CTCF: variants seen among roughly 807,000 people sequenced by gnomAD.
The protein encoded by CTCF is CCCTC-binding factor, also known as transcriptional repressor CTCF.
CTCF carries 7 observed loss-of-function variants against 72.3 expected under a neutral mutation model. The ratio of observed to expected loss-of-function variants is 0.10; its 90% CI spans 0.06 to 0.18. CTCF has a LOEUF of 0.18. CTCF is among the 10% of genes least tolerant of loss of function. CTCF has a pLI of 1.00. For missense variants in CTCF, 516 were observed against 949.1 expected (o/e 0.54, Z 6.00); for synonymous variants, 374 against 315.8 (o/e 1.18, Z -1.95).
chr16:67,573,058 C>A (rs2051446428), intron 2 of CTCF, among the ~76,000 whole-genome samples: 3 of 151,232 alleles, frequency 2.0e-5, no homozygotes, highest in African/African-American at 7.3e-5. Context: ...CGGGACCAGC[C>A]TGGCCAACAT....
intron 2 of CTCF, among the ~76,000 whole-genome samples, chr16:67,578,075 G>A (rs1025222720): frequency 4.6e-5 from 7 of 152,058 alleles, no homozygotes; most frequent in African/African-American, 1.7e-4. Flanking sequence ...TTATTAACAG[G>A]CATGTACATA....
intron 2 of CTCF, among the ~76,000 whole-genome samples, chr16:67,588,195 G>A (rs1443832940): frequency 1.3e-5 from 2 of 152,170 alleles, no homozygotes; most frequent in Non-Finnish European, 2.9e-5. Context: ...GAATAGGTTT[G>A]GGAATCATTG....
chr16:67,615,048 A>C (rs1268252807), intron 4 of CTCF: 2 of 152,262 alleles, frequency 1.3e-5, no homozygotes, highest in Non-Finnish European at 2.9e-5. Context: ...AGGCTGAGGC[A>C]AGAGAATTAC....
intron 10 of CTCF, among the ~76,000 whole-genome samples, chr16:67,631,431 C>T (rs953904267): frequency 3.3e-5 from 5 of 151,990 alleles, no homozygotes. Context: ...TCCCAAAGTG[C>T]TGGGATTACA....
At chr16:67,636,569 G>GTGTA (rs565563665) in intron 10 of CTCF, 121 bp from the exon 11 acceptor site, 21 of 244,748 alleles carry the variant, frequency 8.6e-5, no homozygotes, top group Non-Finnish European at 5.5e-5. Flanking sequence ...GAAAGAAAGT[G>GTGTA]TATATATATA....
intron 6 of CTCF, 200 bp downstream of exon 6, chr16:67,621,017 T>A (rs1422244529): frequency 9.2e-6 from 4 of 436,044 alleles, no homozygotes; most frequent in Non-Finnish European, 1.6e-5. Flanking sequence ...CCTTTTGTTT[T>A]GTTCAACTTG....
At chr16:67,587,906 G>A (rs1475971533) in intron 2 of CTCF, among the ~76,000 whole-genome samples, 3 of 152,110 alleles carry the variant, frequency 2.0e-5, no homozygotes, top group Non-Finnish European at 4.4e-5. Flanking sequence ...CACCCAGGCT[G>A]GGATGCAGTG....
intron 11 of CTCF, 51 bp downstream of exon 11, chr16:67,636,902 G>C (rs763962359): frequency 7.0e-7 from 1 of 1,419,588 alleles, no homozygotes; most frequent in South Asian, 1.6e-5. Flanking sequence ...CGAGCATGTG[G>C]GGGAGCCAGA....
At chr16:67,585,330 G>T (rs574626168) in intron 2 of CTCF, among the ~76,000 whole-genome samples, 1 of 152,294 alleles carries the variant, frequency 6.6e-6, no homozygotes, top group South Asian at 2.1e-4. Flanking sequence ...GATTACAGGC[G>T]TGAGCCACCG....
intron 1 of CTCF, among the ~76,000 whole-genome samples, chr16:67,570,107 C>T (rs1370178265): frequency 7.8e-5 from 11 of 141,094 alleles, no homozygotes; most frequent in Non-Finnish European, 1.1e-4. Context: ...GACGGAGTCT[C>T]GCTGTGTTGC....
chr16:67,625,764 G>A (rs886301874), intron 7 of CTCF, among the ~76,000 whole-genome samples: 3 of 151,850 alleles, frequency 2.0e-5, no homozygotes, highest in Non-Finnish European at 4.4e-5. Context: ...TTCAAATTCA[G>A]CATGTCTAAA....
chr16:67,608,875 T>C (rs1415160546), intron 2 of CTCF, among the ~76,000 whole-genome samples: 2 of 151,932 alleles, frequency 1.3e-5, no homozygotes, highest in Non-Finnish European at 2.9e-5. Flanking sequence ...GTAGCCAGGA[T>C]TACATACAGG....
At chr16:67,610,350 C>CTT (rs1158978403) in intron 2 of CTCF, among the ~76,000 whole-genome samples, 1,774 of 121,358 alleles carry the variant, frequency 0.015, 53 homozygotes, top group African/African-American at 0.043. Flanking sequence ...TTTTCTTTTT[C>CTT]TTTTTTTTTT....
At chr16:67,592,978 A>C (rs568049427) in intron 2 of CTCF, among the ~76,000 whole-genome samples, 1 of 151,868 alleles carries the variant, frequency 6.6e-6, no homozygotes, top group African/African-American at 2.4e-5. Flanking sequence ...GTGAGCCGAG[A>C]TCGCGCCACT....
chr16:67,617,959 T>C (rs2052154505), intron 5 of CTCF, among the ~76,000 whole-genome samples: 1 of 152,228 alleles, frequency 6.6e-6, no homozygotes, highest in Non-Finnish European at 1.5e-5. Context: ...ACAAAGATTG[T>C]TTATCATTGG....
intron 8 of CTCF, 54 bp downstream of exon 8, chr16:67,626,769 G>C: frequency 7.6e-7 from 1 of 1,310,136 alleles, no homozygotes. Flanking sequence ...GGTGTTATCA[G>C]AGGGCATTTA....
Position 67,562,653 on chromosome 16 carries a change from C to A in CTCF, c.-198C>A. On this transcript the variant is annotated 5_prime_UTR_variant, in exon 1 of 12. Transcript: ENST00000264010. ...GTGGCCGGTGCGGACGCGCGGAGCT[C>A]GCCGGAGACGCCGGGTGGCCGGAGC... 6.5e-6 allele frequency: 1 copy of A among 152,966 alleles called. No homozygotes were observed. The highest frequency in any genetic ancestry group is 1.8e-4 in the South Asian group (1 of 5,590). The allele number at this position is 152,966 out of a possible 1,614,324, so 9.5% of individuals were successfully genotyped here.
At chr16:67,569,687 CT>C (rs879842564) in intron 1 of CTCF, among the ~76,000 whole-genome samples, 299 of 141,570 alleles carry the variant, frequency 2.1e-3, no homozygotes, top group Middle Eastern at 7.3e-3. Flanking sequence ...TGCCAGTTAT[CT>C]TTTTTTTTTT....
chr16:67,617,351 T>C (rs1200521), intron 5 of CTCF, among the ~76,000 whole-genome samples: 1 of 151,934 alleles, frequency 6.6e-6, no homozygotes. Flanking sequence ...TACAAAAAAT[T>C]AGCTGGGTGT....
Sources: gnomAD v4.1 joint callset for allele counts (sites outside exome capture counted in the v4.1 genomes callset) on GRCh38, gnomAD v4.1.1 for gene constraint, MANE v1.5 for transcripts, NCBI Gene and HGNC (gene_info 2026-07-23, HGNC 2026-07-21) for gene names.